The following MAGI2 variants were observed in gnomAD, a reference collection of about 807,000 sequenced individuals.
The protein encoded by MAGI2 is membrane associated guanylate kinase, WW and PDZ domain containing 2, also known as membrane-associated guanylate kinase, WW and PDZ domain-containing protein 2.
In MAGI2, 35 loss-of-function variants were observed where a neutral mutation model predicts 133.3. The ratio of observed to expected loss-of-function variants is 0.26; its 90% CI spans 0.20 to 0.35. The LOEUF is 0.35. Among genes scored for constraint, MAGI2 ranks in the 10% least tolerant of loss-of-function variants. MAGI2 has a pLI of 1.00. For synonymous variants in MAGI2, 729 were observed against 710.6 expected (o/e 1.03, Z -0.41); for missense variants, 1,636 against 1,863.4 (o/e 0.88, Z 2.25).
intron 1 of MAGI2, among the ~76,000 whole-genome samples, chr7:79,211,669 T>C (rs983793718): frequency 1.4e-4 from 22 of 151,934 alleles, no homozygotes; most frequent in Admixed American, 9.2e-4. Flanking sequence ...TTTCCTTATG[T>C]TTTATTTTTT....
chr7:79,055,850 C>T lies in MAGI2; in HGVS notation c.302-48644G>A, dbSNP rs143779560. Among the ~76,000 whole-genome samples the T allele has an allele frequency of 9.8e-5, 15 of 152,290 alleles. No homozygotes were observed. The East Asian group carries it at 2.9e-3, about 29-fold the overall frequency. Reference sequence around the variant, plus strand: ...CCTTGTTTATCTCTGCACACAACCTCTTGGTCCAGGTGTTCTGAAGTTACT... The same window carrying T: ...CCTTGTTTATCTCTGCACACAACCTTTTGGTCCAGGTGTTCTGAAGTTACT... On this transcript the variant is annotated intron_variant, in intron 1 of 21. Transcript: ENST00000354212.
intron 2 of MAGI2, among the ~76,000 whole-genome samples, chr7:79,004,769 G>GA (rs1346848172): frequency 6.6e-6 from 1 of 152,032 alleles, no homozygotes; most frequent in African/African-American, 2.4e-5. Flanking sequence ...GATACAGGAA[G>GA]AAAAAAATTT....
intron 1 of MAGI2, chr7:79,412,284 C>T (rs1473426385): frequency 1.3e-5 from 2 of 151,958 alleles, no homozygotes; most frequent in Non-Finnish European, 2.9e-5. Context: ...TTCCAAGGGT[C>T]GTATGGAGCA....
chr7:78,655,778 G>C (rs564021164), intron 2 of MAGI2, among the ~76,000 whole-genome samples: 40 of 152,072 alleles, frequency 2.6e-4, no homozygotes, highest in African/African-American at 8.9e-4. Flanking sequence ...TCAGGAGATC[G>C]AGACCATCCT....
chr7:78,555,502 A>G (rs1799746116), intron 3 of MAGI2, among the ~76,000 whole-genome samples: 1 of 152,252 alleles, frequency 6.6e-6, no homozygotes, highest in South Asian at 2.1e-4. Context: ...AAGAAAAGTG[A>G]TAATATAATG....
intron 2 of MAGI2, among the ~76,000 whole-genome samples, chr7:78,941,119 T>C (rs1800930406): frequency 6.6e-6 from 1 of 152,318 alleles, no homozygotes; most frequent in Admixed American, 6.5e-5. Context: ...ATAATGTCTA[T>C]ATAGCACAGT....
intron 1 of MAGI2, among the ~76,000 whole-genome samples, chr7:79,400,000 T>C (rs1283057270): frequency 6.6e-6 from 1 of 152,222 alleles, no homozygotes; most frequent in African/African-American, 2.4e-5. Flanking sequence ...GGAAAATATA[T>C]GTGAGTGCAG....
chr7:78,817,977 T>G (rs1789757381), intron 2 of MAGI2, among the ~76,000 whole-genome samples: 1 of 152,192 alleles, frequency 6.6e-6, no homozygotes, highest in Admixed American at 6.5e-5. Flanking sequence ...TGTGACTCAT[T>G]TTATTGACAT....
intron 15 of MAGI2, among the ~76,000 whole-genome samples, chr7:78,165,021 C>T (rs1229452370): frequency 6.6e-6 from 1 of 152,178 alleles, no homozygotes; most frequent in Non-Finnish European, 1.5e-5. Flanking sequence ...AAAGTGTGTG[C>T]TATGACTATT....
intron 21 of MAGI2, among the ~76,000 whole-genome samples, chr7:78,033,445 C>T (rs1262525164): frequency 7.1e-6 from 1 of 141,062 alleles, no homozygotes. Context: ...TGCACTCTAG[C>T]CTGAGCAACA....
chr7:79,087,317 G>C (rs1203739741), intron 1 of MAGI2, among the ~76,000 whole-genome samples: 1 of 151,840 alleles, frequency 6.6e-6, no homozygotes, highest in Admixed American at 6.6e-5. Context: ...TGTCTGCATA[G>C]ATAAATATTG....
At chr7:78,215,384 G>A (rs915035101) in intron 10 of MAGI2, among the ~76,000 whole-genome samples, 2 of 152,164 alleles carry the variant, frequency 1.3e-5, no homozygotes, top group African/African-American at 4.8e-5. Flanking sequence ...GGTGCTTGAG[G>A]TAGAACTATC....
Position 78,755,812 on chromosome 7 carries a change from C to T in MAGI2, c.419-128573G>A, listed in dbSNP as rs1010659400. 1.6e-4 allele frequency among the ~76,000 whole-genome samples: 24 copies of T among 152,310 alleles called. 1 individual carries two copies. Among genetic ancestry groups the T allele is most frequent in the African/African-American group, 5.8e-4 (24 of 41,558 alleles). ...AATAAGTATGTTCCCCTATAGAACA[C>T]CCCAGCTCAATAAACAAATTTGCCA... On this transcript the variant is annotated intron_variant, in intron 2 of 21. Transcript: ENST00000354212.
At chr7:78,293,935 T>C (rs1246211200) in intron 9 of MAGI2, among the ~76,000 whole-genome samples, 1 of 151,656 alleles carries the variant, frequency 6.6e-6, no homozygotes, top group African/African-American at 2.4e-5. Context: ...GGGCCTGTCA[T>C]GGTGTTGGGG....
At chr7:78,272,039 G>A (rs1794632315) in intron 9 of MAGI2, among the ~76,000 whole-genome samples, 1 of 152,132 alleles carries the variant, frequency 6.6e-6, no homozygotes, top group South Asian at 2.1e-4. Context: ...CGATGTTAGG[G>A]TGTCGATTTT....
At chr7:78,140,925 C>A (rs893227438) in intron 16 of MAGI2, among the ~76,000 whole-genome samples, 10 of 152,122 alleles carry the variant, frequency 6.6e-5, no homozygotes, top group African/African-American at 1.9e-4. Context: ...ATGCAAATGG[C>A]AAATACATGG....
intron 1 of MAGI2, among the ~76,000 whole-genome samples, chr7:79,402,655 T>C (rs10263114): frequency 0.039 from 5,945 of 152,198 alleles, 375 homozygotes; most frequent in African/African-American, 0.13. Flanking sequence ...ATTTCCACTA[T>C]TTGTTTCATT....
chr7:78,464,231 C>T (rs1360553023), intron 6 of MAGI2, among the ~76,000 whole-genome samples: 1 of 152,010 alleles, frequency 6.6e-6, no homozygotes, highest in Non-Finnish European at 1.5e-5. Context: ...CTTGATAATC[C>T]TCCCACTCAT....
At chr7:79,154,048 T>C (rs1449901874) in intron 1 of MAGI2, among the ~76,000 whole-genome samples, 2 of 152,244 alleles carry the variant, frequency 1.3e-5, no homozygotes, top group African/African-American at 4.8e-5. Context: ...TATTCCTTTT[T>C]TGGAACCTTT....
Sources: allele counts gnomAD v4.1 joint callset (sites outside exome capture counted in the v4.1 genomes callset), GRCh38; gene constraint gnomAD v4.1.1; transcripts MANE v1.5; gene names NCBI Gene and HGNC (gene_info 2026-07-23, HGNC 2026-07-21).